LRRC4C: variants seen among roughly 807,000 people sequenced by gnomAD.
LRRC4C encodes leucine-rich repeat-containing protein 4C.
Under a neutral mutation model 33.6 loss-of-function variants are expected in LRRC4C, and 5 were observed. The observed-to-expected ratio is 0.15, with a 90% CI of 0.08 to 0.31. LRRC4C has a LOEUF of 0.31. Ranked by LOEUF, LRRC4C falls within the 10% of genes least tolerant of loss-of-function variation. The probability of loss-of-function intolerance (pLI) is 1.00; values close to 1 mark genes in which losing one functional copy is unlikely to be tolerated. For missense variants in LRRC4C, 560 were observed against 796.7 expected (o/e 0.70, Z 3.58); for synonymous variants, 329 against 302.0 (o/e 1.09, Z -0.93).
Position 40,115,333 on chromosome 11 carries a change from G to A in LRRC4C, c.960C>T (p.Ala320=), listed in dbSNP as rs1220311572. 25 of 1,614,020 alleles carry A rather than the reference G, an allele frequency of 1.5e-5. No homozygotes were observed. Among genetic ancestry groups the A allele is most frequent in the Admixed American group, 5.0e-5 (3 of 59,996 alleles). ...GGGCACAACAAGCTGTGTTCGAGGG[G>A]GCCATGTCTTTTATCCACCAGCTGA... The part of the protein sequence containing the change: ...LWLSWWIKDM[A]PSNTACCARC... The change falls in exon 7 of 7, where the codon GCC becomes GCT. Residue 320 remains alanine, a synonymous_variant. Transcript: ENST00000528697. The surrounding 1 kb of genome is among the most constrained non-coding windows in gnomAD (Gnocchi z 6.7).
At chr11:40,794,522 T>C (rs749612095) in intron 2 of LRRC4C, among the ~76,000 whole-genome samples, 1 of 152,144 alleles carries the variant, frequency 6.6e-6, no homozygotes, top group Non-Finnish European at 1.5e-5. Flanking sequence ...TGTAGCAATT[T>C]TGTCTGTAAG....
At chr11:41,439,923 A>G (rs1955559618) in intron 1 of LRRC4C, among the ~76,000 whole-genome samples, 1 of 152,190 alleles carries the variant, frequency 6.6e-6, no homozygotes. Flanking sequence ...CATAGTTTGC[A>G]AATACTTCTC....
chr11:40,500,930 GT>G (rs2138622144), intron 3 of LRRC4C, among the ~76,000 whole-genome samples: 2 of 152,262 alleles, frequency 1.3e-5, no homozygotes, highest in South Asian at 4.1e-4. Context: ...CTATGAGCCT[GT>G]AAAATCAAAA....
chr11:41,343,556 T>C (rs1216961615), intron 1 of LRRC4C, among the ~76,000 whole-genome samples: 1 of 152,176 alleles, frequency 6.6e-6, no homozygotes, highest in Non-Finnish European at 1.5e-5. Context: ...TATAGATAGG[T>C]TAATCAGGAA....
At chr11:41,325,571 TTTTTTTTG>T (rs1215913621) in intron 1 of LRRC4C, among the ~76,000 whole-genome samples, 4 of 84,666 alleles carry the variant, frequency 4.7e-5, no homozygotes, top group Admixed American at 3.7e-4. Context: ...TTATAGTTTT[TTTTTTTTG>T]TGTGTGTGTG....
At chr11:40,611,141 T>A (rs988586211) in intron 3 of LRRC4C, among the ~76,000 whole-genome samples, 3 of 151,806 alleles carry the variant, frequency 2.0e-5, no homozygotes, top group African/African-American at 7.2e-5. Context: ...AAAGGTATGG[T>A]AATTAAAATA....
chr11:41,011,755 TG>T (rs1855201332), intron 1 of LRRC4C, among the ~76,000 whole-genome samples: 1 of 150,606 alleles, frequency 6.6e-6, no homozygotes, highest in South Asian at 2.1e-4. Context: ...ATGTAGCCTT[TG>T]TGGGTCATTA....
At chr11:40,571,445 A>T (rs1957980462) in intron 3 of LRRC4C, among the ~76,000 whole-genome samples, 1 of 152,178 alleles carries the variant, frequency 6.6e-6, no homozygotes, top group South Asian at 2.1e-4. Context: ...AATAAATTGC[A>T]GTATGAAATA....
At chr11:41,368,284 G>A (rs1056732746) in intron 1 of LRRC4C, among the ~76,000 whole-genome samples, 5 of 152,126 alleles carry the variant, frequency 3.3e-5, no homozygotes, top group African/African-American at 1.2e-4. Flanking sequence ...TCTATCCTGA[G>A]CAATCAGTGT....
chr11:41,455,847 T>C (rs1956157563), intron 1 of LRRC4C, among the ~76,000 whole-genome samples: 1 of 152,136 alleles, frequency 6.6e-6, no homozygotes, highest in Non-Finnish European at 1.5e-5. Context: ...TAAGCAATAC[T>C]TGCAATGTTT....
chr11:40,141,353 T>C (rs911090668), intron 5 of LRRC4C, among the ~76,000 whole-genome samples: 1 of 152,054 alleles, frequency 6.6e-6, no homozygotes, highest in Non-Finnish European at 1.5e-5. Flanking sequence ...ATCTTTCCTC[T>C]CTCTACACAT....
At chr11:40,967,851 T>G (rs1051580836) in intron 1 of LRRC4C, among the ~76,000 whole-genome samples, 1 of 151,632 alleles carries the variant, frequency 6.6e-6, no homozygotes, top group African/African-American at 2.4e-5. Context: ...AATTTAAATA[T>G]TGAAATAAGT....
At chr11:40,564,839 T>G (rs1042758794) in intron 3 of LRRC4C, among the ~76,000 whole-genome samples, 3 of 152,184 alleles carry the variant, frequency 2.0e-5, no homozygotes, top group African/African-American at 4.8e-5. Flanking sequence ...GGTAATTGAC[T>G]GGCAAGAGAT....
At chr11:40,987,236 G>A (rs1173605841) in intron 1 of LRRC4C, among the ~76,000 whole-genome samples, 1 of 152,112 alleles carries the variant, frequency 6.6e-6, no homozygotes, top group Non-Finnish European at 1.5e-5. Context: ...ATAAAAAGAT[G>A]GAGAAGCTAA....
chr11:40,912,251 T>C (rs1306888732), intron 2 of LRRC4C, among the ~76,000 whole-genome samples: 13 of 152,136 alleles, frequency 8.5e-5, no homozygotes, highest in East Asian at 1.9e-4. Context: ...TTGTCAGATT[T>C]ACCAAAGTTG....
chr11:40,564,142 T>C (rs911203266), intron 3 of LRRC4C, among the ~76,000 whole-genome samples: 2 of 152,170 alleles, frequency 1.3e-5, no homozygotes, highest in Non-Finnish European at 2.9e-5. Flanking sequence ...TTTGTTGACT[T>C]GTGGGTACTT....
chr11:40,688,300 A>G (rs1253742925), intron 2 of LRRC4C, among the ~76,000 whole-genome samples: 1 of 152,148 alleles, frequency 6.6e-6, no homozygotes, highest in Non-Finnish European at 1.5e-5. Flanking sequence ...GACTGTTTCA[A>G]GATCCTCCCT....
At position 40,782,065 on chromosome 11, in the gene LRRC4C, C is replaced by A. The variant is rs376226892; in HGVS notation, c.-406-133787G>T. On this transcript the variant is annotated intron_variant, in intron 2 of 6. Transcript: ENST00000528697. ...TAATTTCAAGCCAAAAGCCTGCATGCCTATTTTTTCTTCTTCCTTAAAATG... is the reference window on the plus strand; with the variant it reads ...TAATTTCAAGCCAAAAGCCTGCATGACTATTTTTTCTTCTTCCTTAAAATG... Among the ~76,000 whole-genome samples, 269 of 152,266 alleles carry A rather than the reference C, an allele frequency of 1.8e-3. 1 individual carries two copies. Among genetic ancestry groups the A allele is most frequent in the African/African-American group, 6.4e-3 (266 of 41,556 alleles).
chr11:40,284,808 TTA>T (rs1387759141), intron 4 of LRRC4C, among the ~76,000 whole-genome samples: 9 of 152,184 alleles, frequency 5.9e-5, no homozygotes, highest in African/African-American at 2.2e-4. Context: ...AAAAAATATG[TTA>T]TGTTTTCAGC....
Sources: allele counts gnomAD v4.1 joint callset (sites outside exome capture counted in the v4.1 genomes callset), GRCh38; gene constraint gnomAD v4.1.1; non-coding constraint Gnocchi (gnomAD v3.1); transcripts MANE v1.5; gene names NCBI Gene and HGNC (gene_info 2026-07-23, HGNC 2026-07-21).